WWTR1: variants seen among roughly 807,000 people sequenced by gnomAD.
WWTR1 encodes WW domain containing transcription regulator 1, also known as WW domain-containing transcription regulator protein 1.
WWTR1 carries 13 observed loss-of-function variants against 40.1 expected under a neutral mutation model. The ratio of observed to expected loss-of-function variants is 0.32; its 90% confidence interval spans 0.21 to 0.52. WWTR1 has a LOEUF of 0.52. Among genes scored for constraint, WWTR1 ranks in the 20% least tolerant of loss-of-function variants. The pLI, the probability that WWTR1 is intolerant of heterozygous loss-of-function variation, is 0.97. For missense variants in WWTR1, 436 were observed against 523.1 expected (o/e 0.83, Z 1.63); for synonymous variants, 230 against 210.1 (o/e 1.09, Z -0.82).
intron 2 of WWTR1, among the ~76,000 whole-genome samples, chr3:149,631,052 T>C (rs1374761343): frequency 6.6e-6 from 1 of 152,190 alleles, no homozygotes; most frequent in Non-Finnish European, 1.5e-5. Context: ...GTTGACCTTT[T>C]CACAGTTGCC....
chr3:149,723,218 T>C (rs2867395), intron 4 of WWTR1, among the ~76,000 whole-genome samples: 121,370 of 135,940 alleles, frequency 0.89, 54,438 homozygotes, highest in East Asian at 1. Flanking sequence ...GACAGAGTTT[T>C]GCTCCTGTTG....
At chr3:149,661,738 T>TG (rs1411437658), upstream of WWTR1, among the ~76,000 whole-genome samples, 3 of 149,322 alleles carry the variant, frequency 2.0e-5, no homozygotes, top group Non-Finnish European at 4.5e-5. Flanking sequence ...ATAAAGTTTT[T>TG]TTTTTTTTTT....
chr3:149,651,866 G>C (rs968439800), intron 2 of WWTR1, among the ~76,000 whole-genome samples: 1 of 131,794 alleles, frequency 7.6e-6, no homozygotes, highest in Non-Finnish European at 1.6e-5. Flanking sequence ...GTCTGGCTCT[G>C]TTGCCCAGGC....
chr3:149,575,943 T>A, intron 2 of WWTR1: 1 of 456,462 alleles, frequency 2.2e-6, no homozygotes, highest in Admixed American at 2.3e-5. Flanking sequence ...AGTGGGAGCC[T>A]CCACGGCCCA....
intron 2 of WWTR1, among the ~76,000 whole-genome samples, chr3:149,620,571 C>CA (rs1553799926): frequency 3.1e-5 from 4 of 130,282 alleles, no homozygotes; most frequent in Non-Finnish European, 3.2e-5. Flanking sequence ...CGCTCCCCCC[C>CA]ACACACACAC....
chr3:149,663,631 G>A (rs1713678771), intron 2 of WWTR1, among the ~76,000 whole-genome samples: 1 of 152,106 alleles, frequency 6.6e-6, no homozygotes, highest in South Asian at 2.1e-4. Flanking sequence ...AGGAGGCGGA[G>A]GCTGCAGTGA....
At chr3:149,616,206 T>C (rs1576599023) in intron 2 of WWTR1, among the ~76,000 whole-genome samples, 1 of 152,290 alleles carries the variant, frequency 6.6e-6, no homozygotes, top group East Asian at 1.9e-4. Flanking sequence ...ATTCTCAAAT[T>C]CTGTTCCCTC....
intron 3 of WWTR1, among the ~76,000 whole-genome samples, chr3:149,544,252 C>T (rs1025219172): frequency 6.6e-6 from 1 of 152,122 alleles, no homozygotes; most frequent in African/African-American, 2.4e-5. Flanking sequence ...ACAATACCAA[C>T]ACTGAAGCTT....
intron 4 of WWTR1, among the ~76,000 whole-genome samples, chr3:149,721,199 T>G (rs193203841): frequency 3.9e-5 from 6 of 152,354 alleles, no homozygotes; most frequent in Admixed American, 3.3e-4. Flanking sequence ...AGAAAAAGCT[T>G]TCAGTCTTTC....
intron 2 of WWTR1, among the ~76,000 whole-genome samples, chr3:149,652,793 T>C (rs1469491659): frequency 6.6e-6 from 1 of 151,798 alleles, no homozygotes; most frequent in East Asian, 1.9e-4. Context: ...GTGCTAAAAG[T>C]TGATAAATCA....
At chr3:149,547,503 G>T (rs1035481994) in intron 3 of WWTR1, among the ~76,000 whole-genome samples, 1 of 151,958 alleles carries the variant, frequency 6.6e-6, no homozygotes, top group Non-Finnish European at 1.5e-5. Context: ...TCCAGCCTGA[G>T]CAACAAGAGC....
rs1734852456 is a variant in WWTR1 at position 149,517,793 on chromosome 3, C to A, written c.*3012G>T. 1 of 152,228 alleles carries A rather than the reference C, an allele frequency of 6.6e-6. No individual in the cohort carries two copies. Among genetic ancestry groups the A allele is most frequent in the East Asian group, 1.9e-4 (1 of 5,184 alleles). The allele number at this position is 152,228 out of a possible 1,614,324, so 9.4% of individuals were successfully genotyped here. A position where few individuals can be genotyped will look rare whatever the true frequency, so the allele number is the denominator to read the frequency against. ...TAACAGAATTGCAATTAGGTTTTGACAATGTATTTACTTCAAGACAATGTA... is the reference window on the plus strand; with the variant it reads ...TAACAGAATTGCAATTAGGTTTTGAAAATGTATTTACTTCAAGACAATGTA... On this transcript the variant is annotated 3_prime_UTR_variant, in exon 7 of 7. Coordinates refer to ENST00000360632, the MANE Select transcript of WWTR1 (RefSeq NM_015472.6).
At chr3:149,584,321 G>A (rs1738304972) in intron 2 of WWTR1, among the ~76,000 whole-genome samples, 1 of 152,154 alleles carries the variant, frequency 6.6e-6, no homozygotes, top group Admixed American at 6.5e-5. Context: ...CTATTCATGT[G>A]AAGAGATTTA....
At chr3:149,650,061 A>G (rs538163389) in intron 2 of WWTR1, 1 of 152,228 alleles carries the variant, frequency 6.6e-6, no homozygotes, top group Non-Finnish European at 1.5e-5. Flanking sequence ...CTTGGTGGAA[A>G]TCTTGATGAG....
At chr3:149,542,884 TTG>T (rs3217417) in intron 3 of WWTR1, among the ~76,000 whole-genome samples, 21,508 of 150,076 alleles carry the variant, frequency 0.14, 1,805 homozygotes, top group Middle Eastern at 0.25. Context: ...ACCAGATCAT[TTG>T]TGTGTGTGTG....
chr3:149,689,642 A>G (rs1020015577), intron 1 of WWTR1, among the ~76,000 whole-genome samples: 1 of 152,154 alleles, frequency 6.6e-6, no homozygotes, highest in African/African-American at 2.4e-5. Context: ...CTGTGGAAAT[A>G]TCCTTCAAAC....
chr3:149,591,667 T>A (rs933689837), intron 2 of WWTR1, among the ~76,000 whole-genome samples: 4 of 152,196 alleles, frequency 2.6e-5, no homozygotes, highest in African/African-American at 7.2e-5. Context: ...TCTTATGTTT[T>A]AAAACATTTA....
At chr3:149,627,787 T>G (rs1457996944) in intron 2 of WWTR1, among the ~76,000 whole-genome samples, 1 of 152,112 alleles carries the variant, frequency 6.6e-6, no homozygotes, top group Non-Finnish European at 1.5e-5. Flanking sequence ...ATTAAAAACT[T>G]ATTGGCCGGG....
chr3:149,667,888 T>G (rs963132098), intron 2 of WWTR1, among the ~76,000 whole-genome samples: 1 of 152,168 alleles, frequency 6.6e-6, no homozygotes, highest in Non-Finnish European at 1.5e-5. Context: ...CTGAAGATAT[T>G]TGAAAAGAGA....
Sources: allele counts gnomAD v4.1 joint callset (sites outside exome capture counted in the v4.1 genomes callset), GRCh38; gene constraint gnomAD v4.1.1; transcripts MANE v1.5; gene names NCBI Gene and HGNC (gene_info 2026-07-23, HGNC 2026-07-21).